Variants in APBB1IP observed in about 807,000 individuals in gnomAD.
APBB1IP encodes the protein amyloid beta precursor protein binding family B member 1 interacting protein.
In APBB1IP, 27 loss-of-function variants were observed where a neutral mutation model predicts 64.9. That is an observed-to-expected ratio of 0.42 (90% CI 0.31 to 0.57). APBB1IP has a LOEUF of 0.57. Among genes scored for constraint, APBB1IP ranks in the 20% least tolerant of loss-of-function variants. The pLI, the probability that APBB1IP is intolerant of heterozygous loss-of-function variation, is 0.20. For synonymous variants in APBB1IP, 392 were observed against 331.0 expected (o/e 1.18, Z -2.00); for missense variants, 812 against 845.5 (o/e 0.96, Z 0.49).
intron 2 of APBB1IP, among the ~76,000 whole-genome samples, chr10:26,487,964 A>G (rs1253935602): frequency 1.3e-5 from 2 of 152,226 alleles, no homozygotes; most frequent in African/African-American, 4.8e-5. Context: ...GATTACTCTC[A>G]TAAAAAAATC....
chr10:26,461,033 G>T (rs1028964842), intron 2 of APBB1IP, among the ~76,000 whole-genome samples: 1 of 152,056 alleles, frequency 6.6e-6, no homozygotes, highest in African/African-American at 2.4e-5. Flanking sequence ...AAGGGAGCCT[G>T]GGAAACATCA....
At chr10:26,488,387 C>T (rs575657479) in intron 2 of APBB1IP, among the ~76,000 whole-genome samples, 1 of 152,080 alleles carries the variant, frequency 6.6e-6, no homozygotes, top group South Asian at 2.1e-4. Context: ...ATGCACGTGC[C>T]CCCACACCTG....
intron 12 of APBB1IP, among the ~76,000 whole-genome samples, 162 bp downstream of exon 12, chr10:26,560,365 G>A (rs1041214295): frequency 2.6e-5 from 4 of 152,094 alleles, no homozygotes; most frequent in Non-Finnish European, 4.4e-5. Flanking sequence ...TGGGAGGAGC[G>A]ATAGAAACAC....
chr10:26,492,646 C>G (rs1397950845), intron 3 of APBB1IP, among the ~76,000 whole-genome samples: 1 of 152,004 alleles, frequency 6.6e-6, no homozygotes, highest in East Asian at 1.9e-4. Context: ...CGGCAGGTTC[C>G]ATGATACCCC....
intron 11 of APBB1IP, among the ~76,000 whole-genome samples, chr10:26,557,131 AG>A (rs749310149): frequency 8.5e-5 from 13 of 152,236 alleles, no homozygotes; most frequent in Non-Finnish European, 1.6e-4. Context: ...TCCAATTTTA[AG>A]GGCCTCCAAA....
intron 2 of APBB1IP, among the ~76,000 whole-genome samples, chr10:26,445,123 G>C (rs1422470421): frequency 8.4e-5 from 4 of 47,484 alleles, no homozygotes; most frequent in Non-Finnish European, 1.2e-4. Context: ...AAGAAAGAAA[G>C]AAAGAAAAGA....
At chr10:26,477,325 A>G (rs1004650093) in intron 2 of APBB1IP, among the ~76,000 whole-genome samples, 2 of 152,206 alleles carry the variant, frequency 1.3e-5, no homozygotes, top group Admixed American at 6.5e-5. Flanking sequence ...TTCTCAATTA[A>G]AAGTATTTCT....
chr10:26,529,824 A>G (rs1281411692), intron 8 of APBB1IP, among the ~76,000 whole-genome samples: 1 of 152,080 alleles, frequency 6.6e-6, no homozygotes, highest in Non-Finnish European at 1.5e-5. Context: ...TATTTTTAGT[A>G]GAGACAGGGT....
chr10:26,547,216 G>A (rs1836777006), intron 11 of APBB1IP, among the ~76,000 whole-genome samples: 2 of 152,136 alleles, frequency 1.3e-5, no homozygotes, highest in African/African-American at 2.4e-5. Flanking sequence ...ATCTATTCAC[G>A]TCTTTTGTCC....
At position 26,533,980 on chromosome 10, in the gene APBB1IP, C is replaced by A. The variant is rs186248286; in HGVS notation, c.900+455C>A. ...TGCTCATGGGACAGTCCCCGCCCCCCCGAGAACCTGACAGATTCCGAATTG... is the reference window on the plus strand; with the variant it reads ...TGCTCATGGGACAGTCCCCGCCCCCACGAGAACCTGACAGATTCCGAATTG... On this transcript the variant is annotated intron_variant, in intron 9 of 14. Transcript: ENST00000376236. 2.3e-4 allele frequency among the ~76,000 whole-genome samples: 35 copies of A among 152,034 alleles called. 1 individual carries two copies. In the East Asian group the frequency reaches 6.8e-3, roughly 30 times the overall value.
chr10:26,563,803 G>A (rs1837004666), intron 14 of APBB1IP, among the ~76,000 whole-genome samples: 1 of 152,000 alleles, frequency 6.6e-6, no homozygotes, highest in Non-Finnish European at 1.5e-5. Flanking sequence ...TTATAATTTT[G>A]ACAACCACTG....
intron 2 of APBB1IP, among the ~76,000 whole-genome samples, chr10:26,477,392 A>AT (rs1835788251): frequency 6.6e-6 from 1 of 152,074 alleles, no homozygotes; most frequent in African/African-American, 2.4e-5. Flanking sequence ...CTTGTTGTGC[A>AT]TTTTGGGGTC....
At chr10:26,493,840 T>A (rs1490008089) in intron 3 of APBB1IP, among the ~76,000 whole-genome samples, 1 of 152,116 alleles carries the variant, frequency 6.6e-6, no homozygotes, top group African/African-American at 2.4e-5. Flanking sequence ...TTGTTTGATT[T>A]TGGGGTTTTC....
intron 2 of APBB1IP, among the ~76,000 whole-genome samples, chr10:26,477,997 A>G (rs898894424): frequency 2.0e-5 from 3 of 152,208 alleles, no homozygotes; most frequent in African/African-American, 7.2e-5. Context: ...TCTATCATGT[A>G]TTTACATTAT....
chr10:26,472,590 T>C (rs201718440), intron 2 of APBB1IP, among the ~76,000 whole-genome samples: 6 of 147,298 alleles, frequency 4.1e-5, no homozygotes, highest in African/African-American at 1.6e-4. Context: ...CATTCATTCA[T>C]TCATTCATTC....
At chr10:26,560,513 T>C (rs527668793) in intron 12 of APBB1IP, among the ~76,000 whole-genome samples, 11 of 152,328 alleles carry the variant, frequency 7.2e-5, no homozygotes, top group African/African-American at 2.2e-4. Context: ...TCTTCTCTAA[T>C]ATGTAGGTGA....
At chr10:26,515,664 T>C (rs1836316961) in intron 8 of APBB1IP, among the ~76,000 whole-genome samples, 1 of 152,216 alleles carries the variant, frequency 6.6e-6, no homozygotes, top group African/African-American at 2.4e-5. Context: ...TATGCTATTG[T>C]ATAACTAAGA....
chr10:26,468,221 A>G (rs1381815115), intron 2 of APBB1IP, among the ~76,000 whole-genome samples: 1 of 152,190 alleles, frequency 6.6e-6, no homozygotes, highest in Non-Finnish European at 1.5e-5. Flanking sequence ...CCTCATCCCA[A>G]GAGAAATAAT....
rs73594364 is a variant in APBB1IP, at chr10:26,494,550, G to A, written c.73-1754G>A. ...GGAAAAAATAAACCAATTCTAGACC[G>A]GGCACAGTGGCTCACACCTGTAATG... On this transcript the variant is annotated intron_variant, in intron 3 of 14. Transcript: ENST00000376236. Among the ~76,000 whole-genome samples the A allele has an allele frequency of 2.5e-3, 383 of 152,244 alleles. 1 individual carries two copies. The highest frequency in any genetic ancestry group is 8.5e-3 in the African/African-American group (355 of 41,530).
Sources: gnomAD v4.1 joint callset for allele counts (sites outside exome capture counted in the v4.1 genomes callset) on GRCh38, gnomAD v4.1.1 for gene constraint, MANE v1.5 for transcripts, NCBI Gene and HGNC (gene_info 2026-07-23, HGNC 2026-07-21) for gene names.